The following GRID2IP variants were observed in gnomAD, a reference collection of about 807,000 sequenced individuals.
The protein encoded by GRID2IP is delphilin.
GRID2IP carries 78 observed loss-of-function variants against 114.3 expected under a neutral mutation model. That is an observed-to-expected ratio of 0.68 (90% CI 0.57 to 0.82). The LOEUF (loss-of-function observed/expected upper bound fraction) is 0.82. GRID2IP is among the 40% of genes least tolerant of loss of function. The pLI is 0.00. For synonymous variants in GRID2IP, 809 were observed against 724.0 expected (o/e 1.12, Z -1.89); for missense variants, 1,727 against 1,678.5 (o/e 1.03, Z -0.51).
intron 1 of GRID2IP, 34 bp downstream of exon 1, chr7:6,550,974 C>T: frequency 1.8e-6 from 2 of 1,139,138 alleles, no homozygotes; most frequent in Non-Finnish European, 2.2e-6. Flanking sequence ...GAGCCCCCTC[C>T]TTCCCGCCCC....
chr7:6,520,825 C>T lies in GRID2IP; in HGVS notation c.1085-64G>A, dbSNP rs2115072173. 1 of 1,472,450 alleles carries T rather than the reference C, an allele frequency of 6.8e-7. No individual in the cohort carries two copies. The highest frequency in any genetic ancestry group is 2.1e-5 in the Admixed American group (1 of 48,216). The allele number at this position is 1,472,450 out of a possible 1,614,324, so 91.2% of individuals were successfully genotyped here. A position where few individuals can be genotyped will look rare whatever the true frequency, so the allele number is the denominator to read the frequency against. ...GAGTCCCCAGGCCAGGTGTAGTCTC[C>T]CTGGCTTTTGAGGTCAGGAGACCTC... On this transcript the variant is annotated intron_variant, in intron 6 of 21. Coordinates refer to ENST00000457091, the MANE Select transcript of GRID2IP (RefSeq NM_001145118.2). This position sits in a 1 kb window ranked among gnomAD's most constrained non-coding sequence, Gnocchi z 4.6.
intron 1 of GRID2IP, among the ~76,000 whole-genome samples, chr7:6,550,368 A>G (rs375701332): frequency 7.9e-5 from 12 of 152,174 alleles, no homozygotes; most frequent in East Asian, 3.9e-4. Flanking sequence ...AGTCTACATT[A>G]TATTTTTATC....
At chr7:6,544,300 A>G (rs1433835928) in intron 1 of GRID2IP, among the ~76,000 whole-genome samples, 4 of 149,872 alleles carry the variant, frequency 2.7e-5, no homozygotes, top group African/African-American at 9.8e-5. Context: ...TTTTTTTGAG[A>G]TGGAGTGTCA....
intron 2 of GRID2IP, among the ~76,000 whole-genome samples, chr7:6,529,846 C>T (rs995271284): frequency 2.0e-5 from 3 of 152,100 alleles, no homozygotes; most frequent in African/African-American, 4.8e-5. Context: ...CCTTGCACAC[C>T]GGGTCAGTTC....
intron 2 of GRID2IP, among the ~76,000 whole-genome samples, chr7:6,537,643 G>A (rs983265773): frequency 6.6e-6 from 1 of 151,688 alleles, no homozygotes; most frequent in East Asian, 2.0e-4. Context: ...CTCCCAAAGT[G>A]CTGGGATTAC....
intron 14 of GRID2IP, among the ~76,000 whole-genome samples, 168 bp from the exon 15 acceptor site, chr7:6,505,038 G>A (rs1457777213): frequency 6.6e-6 from 1 of 152,164 alleles, no homozygotes; most frequent in Non-Finnish European, 1.5e-5. Context: ...GGACCTTCAG[G>A]TCCTGTGTGT....
At position 6,526,342 on chromosome 7, in the gene GRID2IP, G is replaced by A. The variant is rs1779510052; in HGVS notation, c.834-33C>T. On this transcript the variant is annotated intron_variant, in intron 3 of 21. Coordinates refer to ENST00000457091, the MANE Select transcript of GRID2IP (RefSeq NM_001145118.2). The surrounding 1 kb of genome is among the most constrained non-coding windows in gnomAD (Gnocchi z 7.6). ...AAAAAGAAGGGGCGAGCAGCATGAT[G>A]GAGAGGGGGCCCTGGGGCGCAGAGG... is the stretch of plus-strand genomic sequence containing the variant. The A allele has an allele frequency of 1.2e-5, 18 of 1,540,314 alleles. No homozygotes were observed. Among genetic ancestry groups the A allele is most frequent in the Non-Finnish European group, 1.5e-5 (17 of 1,137,086 alleles).
Position 6,551,339 on chromosome 7 carries a change from G to A in GRID2IP, c.98C>T (p.Ala33Val), listed in dbSNP as rs1171787423. Residue 33 changes from alanine to valine, a missense_variant, in exon 1 of 22, where the codon GCC (alanine) becomes GTC (valine). Ala to Val is a moderately conservative substitution (Grantham distance 64). Transcript: ENST00000457091. The stretch of plus-strand genomic sequence containing the variant: ...TCCGGCATGCGCGCTGCTCCCCTTG[G>A]CCACCTCCAGGACGAAGCAGGGGCC... Reference protein sequence around the residue: ...GSGPCFVLEVAKGSSAHAGGL... With the variant: ...GSGPCFVLEVVKGSSAHAGGL... The A allele has an allele frequency of 5.8e-6, 9 of 1,548,228 alleles. No individual in the cohort carries two copies. Among genetic ancestry groups the A allele is most frequent in the Non-Finnish European group, 6.1e-6 (7 of 1,146,694 alleles).
chr7:6,500,107 G>A (rs566992125), intron 20 of GRID2IP, among the ~76,000 whole-genome samples: 36 of 152,142 alleles, frequency 2.4e-4, no homozygotes, highest in South Asian at 6.2e-4. Flanking sequence ...CAATACCCCT[G>A]GACTGAGGGA....
At chr7:6,514,670 G>A in intron 7 of GRID2IP, 141 bp from the exon 8 acceptor site, 1 of 705,082 alleles carries the variant, frequency 1.4e-6, no homozygotes, top group Non-Finnish European at 2.1e-6. Context: ...CAGAAGTGGG[G>A]GCCGGGCACA....
At chr7:6,546,142 C>G (rs752157122) in intron 1 of GRID2IP, among the ~76,000 whole-genome samples, 1 of 151,614 alleles carries the variant, frequency 6.6e-6, no homozygotes, top group Non-Finnish European at 1.5e-5. Context: ...AAAGCGCAGG[C>G]GAGAACTGGA....
At chr7:6,510,454 A>G in intron 10 of GRID2IP, 54 bp from the exon 11 acceptor site, 2 of 1,409,948 alleles carry the variant, frequency 1.4e-6, no homozygotes, top group South Asian at 1.4e-5. Flanking sequence ...CGTAGCCCTA[A>G]TGTGGTCCAG....
intron 1 of GRID2IP, among the ~76,000 whole-genome samples, chr7:6,544,980 G>T (rs917045873): frequency 6.6e-6 from 1 of 152,126 alleles, no homozygotes; most frequent in Non-Finnish European, 1.5e-5. Context: ...CCAGCTACTC[G>T]GGAGGCTGAG....
chr7:6,511,084 C>G, intron 8 of GRID2IP, 45 bp from the exon 9 acceptor site: 1 of 1,354,098 alleles, frequency 7.4e-7, no homozygotes, highest in Non-Finnish European at 9.5e-7. Context: ...CCCTCTCAGC[C>G]AGACAAGGGA....
chr7:6,503,240 A>C, intron 16 of GRID2IP, 77 bp from the exon 17 acceptor site: 4 of 504,496 alleles, frequency 7.9e-6, no homozygotes, highest in South Asian at 2.0e-5. Flanking sequence ...TTGGGGTGGG[A>C]GGGGGGGATC....
intron 18 of GRID2IP, among the ~76,000 whole-genome samples, chr7:6,502,375 A>G (rs1786440435): frequency 6.6e-6 from 1 of 151,988 alleles, no homozygotes; most frequent in Admixed American, 6.6e-5. Context: ...CAGGCCTGTG[A>G]CATGCCTAGC....
In GRID2IP at chr7:6,509,121, C is replaced by A; in HGVS notation, c.1964G>T (p.Ser655Ile). Reference sequence around the variant, plus strand: ...GCTGGGCGGGCGGGTGGGGTCCGGGCTTGGGGGGCTGTCGGGGCAGATGGG... The same window carrying A: ...GCTGGGCGGGCGGGTGGGGTCCGGGATTGGGGGGCTGTCGGGGCAGATGGG... ...PGPICPDSPP[S>I]PDPTRPPSRR... Residue 655 changes from serine (S) to isoleucine (I), a missense_variant, in exon 12 of 22, where the codon AGC (serine) becomes ATC (isoleucine). Transcript: ENST00000457091. This position sits in a 1 kb window ranked among gnomAD's most constrained non-coding sequence, Gnocchi z 4.9. The A allele has an allele frequency of 6.8e-7, 1 of 1,475,652 alleles. No individual in the cohort carries two copies. 91.4% of individuals were successfully genotyped at this position (1,475,652 alleles called of 1,614,324 possible). A position where few individuals can be genotyped will look rare whatever the true frequency, so the allele number is the denominator to read the frequency against.
At chr7:6,499,204 G>C (rs891323563) in intron 20 of GRID2IP, among the ~76,000 whole-genome samples, 10 of 152,176 alleles carry the variant, frequency 6.6e-5, no homozygotes, top group African/African-American at 2.4e-4. Flanking sequence ...CACACAGCAA[G>C]CACTGTGGTG....
In GRID2IP at chr7:6,528,800, G is replaced by A. The variant is rs933503380; in HGVS notation, c.585-2031C>T. Among the ~76,000 whole-genome samples, 4 of 152,026 alleles carry A rather than the reference G, an allele frequency of 2.6e-5. No individual in the cohort carries two copies. Among genetic ancestry groups the A allele is most frequent in the South Asian group, 2.1e-4 (1 of 4,804 alleles). ...GCTCCGCTCCAGGTCTCGATGGTCC[G>A]GGGGGTAACCAGGAACCAGGATGAA... On this transcript the variant is annotated intron_variant, in intron 2 of 21. Coordinates refer to ENST00000457091, the MANE Select transcript of GRID2IP (RefSeq NM_001145118.2). This position sits in a 1 kb window ranked among gnomAD's most constrained non-coding sequence, Gnocchi z 6.0.
Sources: allele counts gnomAD v4.1 joint callset (sites outside exome capture counted in the v4.1 genomes callset), GRCh38; gene constraint gnomAD v4.1.1; non-coding constraint Gnocchi (gnomAD v3.1); transcripts MANE v1.5; gene names NCBI Gene and HGNC (gene_info 2026-07-23, HGNC 2026-07-21).